Variants in SLC44A3 observed in about 807,000 individuals in gnomAD.
The protein encoded by SLC44A3 is solute carrier family 44 member 3.
SLC44A3 carries 74 observed loss-of-function variants against 75.4 expected under a neutral mutation model. The ratio of observed to expected loss-of-function variants is 0.98; its 90% confidence interval spans 0.81 to 1.19. The LOEUF is 1.19. Ranked by LOEUF, SLC44A3 falls within the 50% of genes most tolerant of loss-of-function variation. The probability of loss-of-function intolerance (pLI) is 0.00; values close to 1 mark genes in which losing one functional copy is unlikely to be tolerated. For synonymous variants in SLC44A3, 310 were observed against 296.9 expected, an observed-to-expected ratio of 1.04 and a Z score of -0.45; for missense variants, 700 against 778.6, an observed-to-expected ratio of 0.90 and a Z score of 1.20.
intron 14 of SLC44A3, 117 bp from the exon 15 acceptor site, chr1:94,894,701 T>TGTAA: frequency 1.3e-6 from 1 of 765,094 alleles, no homozygotes; most frequent in African/African-American, 1.7e-5. Context: ...ATCTGCCTTT[T>TGTAA]GTAAGTTAAT....
intron 12 of SLC44A3, among the ~76,000 whole-genome samples, chr1:94,871,059 C>A (rs1442623660): frequency 6.6e-6 from 1 of 152,162 alleles, no homozygotes; most frequent in African/African-American, 2.4e-5. Context: ...AGTGGCAGAA[C>A]TAGGATTTGA....
rs187729367 is a variant in SLC44A3 at position 94,842,236 on chromosome 1, T to G, written c.885+112T>G. 609 of 1,427,926 alleles carry G rather than the reference T, an allele frequency of 4.3e-4. 1 individual carries two copies. In the African/African-American group the frequency reaches 6.6e-3, roughly 15 times the overall value. 88.5% of individuals were successfully genotyped at this position (1,427,926 alleles called of 1,614,324 possible). A position where few individuals can be genotyped will look rare whatever the true frequency, so the allele number is the denominator to read the frequency against. On this transcript the variant is annotated intron_variant, in intron 8 of 14. Transcript: ENST00000271227. Reference sequence around the variant, plus strand: ...AATTTGTTTTTCTTTTGATTTAGAATGTGCCTTCTTTGGATTTGAGATACC... The same window carrying G: ...AATTTGTTTTTCTTTTGATTTAGAAGGTGCCTTCTTTGGATTTGAGATACC...
intron 7 of SLC44A3, 141 bp from the exon 8 acceptor site, chr1:94,841,859 G>T (rs1663689484): frequency 8.7e-7 from 1 of 1,151,828 alleles, no homozygotes; most frequent in South Asian, 1.7e-5. Context: ...TGCTTGTAGG[G>T]TCCGGGTATT....
At chr1:94,841,887 G>A in intron 7 of SLC44A3, 113 bp from the exon 8 acceptor site, 1 of 1,397,146 alleles carries the variant, frequency 7.2e-7, no homozygotes, top group African/African-American at 1.5e-5. Flanking sequence ...CACTGCCAGA[G>A]CAGTGCCACG....
At chr1:94,874,069 C>G (rs1289045709) in intron 12 of SLC44A3, among the ~76,000 whole-genome samples, 2 of 151,838 alleles carry the variant, frequency 1.3e-5, no homozygotes, top group African/African-American at 4.8e-5. Context: ...CAGAAAGAAG[C>G]TCACATGTGT....
chr1:94,875,121 G>A (rs1668141154), intron 12 of SLC44A3, among the ~76,000 whole-genome samples: 1 of 152,134 alleles, frequency 6.6e-6, no homozygotes, highest in South Asian at 2.1e-4. Flanking sequence ...GGTGACAGGT[G>A]GATCGCAAAA....
intron 12 of SLC44A3, among the ~76,000 whole-genome samples, chr1:94,878,681 A>G (rs1272414164): frequency 6.6e-6 from 1 of 152,232 alleles, no homozygotes; most frequent in Non-Finnish European, 1.5e-5. Context: ...ACAAAGCCAC[A>G]GTAATGAAAA....
At chr1:94,837,639 A>C in intron 5 of SLC44A3, 72 bp from the exon 6 acceptor site, 4 of 1,435,692 alleles carry the variant, frequency 2.8e-6, no homozygotes, top group Non-Finnish European at 2.8e-6. Flanking sequence ...GTTATTGAGA[A>C]TGTTAAATAA....
chr1:94,863,758 T>A (rs1052217302), intron 10 of SLC44A3, among the ~76,000 whole-genome samples: 4 of 152,250 alleles, frequency 2.6e-5, no homozygotes, highest in African/African-American at 9.6e-5. Context: ...GTTCTCTTTT[T>A]CTTCCTGGCT....
At chr1:94,831,562 T>A (rs1662133427) in intron 5 of SLC44A3, among the ~76,000 whole-genome samples, 1 of 152,176 alleles carries the variant, frequency 6.6e-6, no homozygotes, top group Non-Finnish European at 1.5e-5. Context: ...TTAAGAGCAG[T>A]GAAAAAGCAC....
chr1:94,849,411 C>T (rs1320278491), intron 9 of SLC44A3, among the ~76,000 whole-genome samples: 1 of 152,188 alleles, frequency 6.6e-6, no homozygotes, highest in African/African-American at 2.4e-5. Flanking sequence ...CCCCTCCTTC[C>T]ACCTGCCTGT....
At chr1:94,864,599 C>A in intron 10 of SLC44A3, 144 bp from the exon 11 acceptor site, 1 of 679,320 alleles carries the variant, frequency 1.5e-6, no homozygotes, top group Non-Finnish European at 2.4e-6. Flanking sequence ...TTAACCGAAG[C>A]TACCAAGGAG....
intron 12 of SLC44A3, among the ~76,000 whole-genome samples, chr1:94,877,571 T>C (rs1668427466): frequency 6.6e-6 from 1 of 152,136 alleles, no homozygotes; most frequent in East Asian, 1.9e-4. Flanking sequence ...CCTCCTTCCA[T>C]TGAGAGTCCC....
At chr1:94,820,916 C>G (rs930001775) in intron 1 of SLC44A3, 33 bp from the exon 2 acceptor site, 2 of 1,539,378 alleles carry the variant, frequency 1.3e-6, no homozygotes, top group Non-Finnish European at 1.8e-6. Context: ...ACCTGTTTAT[C>G]TTCTTTTTCT....
chr1:94,874,433 A>T (rs1668067648), intron 12 of SLC44A3, among the ~76,000 whole-genome samples: 1 of 152,232 alleles, frequency 6.6e-6, no homozygotes, highest in Admixed American at 6.5e-5. Context: ...CTTTGGGGTA[A>T]GGCCCAGTGA....
Position 94,860,766 on chromosome 1 carries a change from GC to G in SLC44A3, c.1238+3269del, listed in dbSNP as rs537561298. 1.8e-3 allele frequency among the ~76,000 whole-genome samples: 269 copies of G among 152,332 alleles called. 2 individuals are homozygous for G. Among genetic ancestry groups the G allele is most frequent in the African/African-American group, 6.0e-3 (250 of 41,578 alleles). Reference sequence around the variant, plus strand: ...GCACAGGCAGTCCCAAGATTTCCCTGCCCTCATCCTTTCTAGCAGGGATGTT... The same window carrying G: ...GCACAGGCAGTCCCAAGATTTCCCTGCCTCATCCTTTCTAGCAGGGATGTT... On this transcript the variant is annotated intron_variant, in intron 10 of 14. Transcript: ENST00000271227.
intron 6 of SLC44A3, chr1:94,838,819 A>G (rs1171973594): frequency 6.6e-6 from 1 of 152,260 alleles, no homozygotes; most frequent in Non-Finnish European, 1.5e-5. Context: ...ACCTCAGGTT[A>G]TTCCTGATAT....
chr1:94,834,506 A>G (rs965403898), intron 5 of SLC44A3, among the ~76,000 whole-genome samples: 1 of 151,806 alleles, frequency 6.6e-6, no homozygotes, highest in South Asian at 2.1e-4. Flanking sequence ...TTTTTTTTTG[A>G]AACAGTCTTG....
Position 94,894,676 on chromosome 1 carries a change from C to T in SLC44A3, c.1858-142C>T, listed in dbSNP as rs1030269530. 4.5e-5 allele frequency: 29 copies of T among 644,924 alleles called. No homozygotes were observed. The African/African-American group carries it at 5.3e-4, about 12-fold the overall frequency. 40.0% of individuals were successfully genotyped at this position (644,924 alleles called of 1,614,324 possible). A position where few individuals can be genotyped will look rare whatever the true frequency, so the allele number is the denominator to read the frequency against. The stretch of plus-strand genomic sequence containing the variant: ...ATTCTCCCCTGTGCTACTTTATATG[C>T]CATTTCTCCTGTTAATCTGCCTTTT... On this transcript the variant is annotated intron_variant, in intron 14 of 14. Coordinates refer to ENST00000271227, the MANE Select transcript of SLC44A3 (RefSeq NM_001114106.3).
Sources: allele counts gnomAD v4.1 joint callset (sites outside exome capture counted in the v4.1 genomes callset), GRCh38; gene constraint gnomAD v4.1.1; transcripts MANE v1.5; gene names NCBI Gene and HGNC (gene_info 2026-07-23, HGNC 2026-07-21).